SP4: variants seen among roughly 807,000 people sequenced by gnomAD.
SP4 encodes the protein transcription factor Sp4.
Under a neutral mutation model 72.8 loss-of-function variants are expected in SP4, and 19 were observed. The ratio of observed to expected loss-of-function variants is 0.26; its 90% CI spans 0.18 to 0.38. SP4 has a LOEUF of 0.38. Ranked by LOEUF, SP4 falls within the 10% of genes least tolerant of loss-of-function variation. The probability of loss-of-function intolerance (pLI) is 1.00; values close to 1 mark genes in which losing one functional copy is unlikely to be tolerated. For missense variants in SP4, 1,008 were observed against 926.3 expected (o/e 1.09, Z -1.14); for synonymous variants, 395 against 333.1 (o/e 1.19, Z -2.02).
intron 3 of SP4, among the ~76,000 whole-genome samples, chr7:21,466,696 T>A (rs926639573): frequency 6.6e-6 from 1 of 152,178 alleles, no homozygotes; most frequent in Admixed American, 6.5e-5. Context: ...ATATTTTCAT[T>A]TATAGTTCAT....
intron 3 of SP4, among the ~76,000 whole-genome samples, chr7:21,436,103 T>A (rs1325804477): frequency 6.6e-6 from 1 of 152,168 alleles, no homozygotes; most frequent in African/African-American, 2.4e-5. Context: ...TTTGCCATGT[T>A]GGCCAGGCTG....
chr7:21,466,781 A>G (rs913786832), intron 3 of SP4, among the ~76,000 whole-genome samples: 1 of 149,696 alleles, frequency 6.7e-6, no homozygotes, highest in African/African-American at 2.5e-5. Context: ...ATAATTTTCA[A>G]ATCTAGGATT....
At chr7:21,506,319 C>A (rs1222817117) in intron 5 of SP4, among the ~76,000 whole-genome samples, 1 of 152,128 alleles carries the variant, frequency 6.6e-6, no homozygotes, top group Non-Finnish European at 1.5e-5. Flanking sequence ...TTAAGGGTTC[C>A]TGGTGGGATC....
chr7:21,490,876 C>G (rs182216714), intron 5 of SP4, among the ~76,000 whole-genome samples: 1 of 152,286 alleles, frequency 6.6e-6, no homozygotes, highest in Non-Finnish European at 1.5e-5. Context: ...AACTGCTGCT[C>G]AAAGAGGGCA....
intron 3 of SP4, among the ~76,000 whole-genome samples, chr7:21,459,836 T>A (rs1291324359): frequency 6.6e-6 from 1 of 152,230 alleles, no homozygotes; most frequent in East Asian, 1.9e-4. Context: ...TCCTACTAAG[T>A]CTAAGCACAA....
intron 3 of SP4, among the ~76,000 whole-genome samples, chr7:21,458,910 C>G (rs1477744078): frequency 1.3e-5 from 2 of 152,122 alleles, no homozygotes. Context: ...AAATAGCCAT[C>G]TATGGAGTTA....
chr7:21,429,241 C>T, intron 2 of SP4, 48 bp from the exon 3 acceptor site: 1 of 1,105,562 alleles, frequency 9.0e-7, no homozygotes. Context: ...CTAAATCCGC[C>T]CACTTTTTTT....
intron 3 of SP4, 111 bp from the exon 4 acceptor site, chr7:21,476,968 A>G: frequency 2.7e-6 from 2 of 730,780 alleles, no homozygotes; most frequent in Non-Finnish European, 4.4e-6. Context: ...TAGTTTTTGT[A>G]CTTTACACAG....
Position 21,430,722 on chromosome 7 carries a change from A to G in SP4, c.1557A>G (p.Pro519=), listed in dbSNP as rs1782815605. 5 of 1,614,176 alleles carry G rather than the reference A, an allele frequency of 3.1e-6. No individual in the cohort carries two copies. Among genetic ancestry groups the G allele is most frequent in the Non-Finnish European group, 4.2e-6 (5 of 1,180,034 alleles). ...CTCCTGTGGCTGTTGCTGGTGCCCC[A>G]ATAACTTTGAATACTGCCCAGCTTG... The part of the protein sequence containing the change: ...QIAPVAVAGA[P]ITLNTAQLAS... The change falls in exon 3 of 6, where the codon CCA becomes CCG. Residue 519 remains proline (P), a synonymous_variant. Coordinates refer to ENST00000222584, the MANE Select transcript of SP4 (RefSeq NM_003112.5).
chr7:21,470,160 T>C (rs541061346), intron 3 of SP4, among the ~76,000 whole-genome samples: 1 of 152,354 alleles, frequency 6.6e-6, no homozygotes, highest in East Asian at 1.9e-4. Context: ...TGGCCGAGTT[T>C]CGTAAGAAAG....
intron 3 of SP4, among the ~76,000 whole-genome samples, chr7:21,443,937 C>A (rs376882485): frequency 6.6e-6 from 1 of 152,164 alleles, no homozygotes; most frequent in African/African-American, 2.4e-5. Flanking sequence ...CTTGTTGAAG[C>A]AAACTTTATT....
At chr7:21,449,953 A>G (rs1009857792) in intron 3 of SP4, among the ~76,000 whole-genome samples, 6 of 152,112 alleles carry the variant, frequency 3.9e-5, no homozygotes, top group East Asian at 1.9e-4. Context: ...AATTGTTCCA[A>G]TTGATACAGT....
chr7:21,498,865 C>G (rs1781791430), intron 5 of SP4, among the ~76,000 whole-genome samples: 1 of 151,988 alleles, frequency 6.6e-6, no homozygotes. Context: ...GCAGGCGGAT[C>G]ATGAGGTCAG....
In SP4 at chr7:21,429,872, G is replaced by C; in HGVS notation, c.707G>C (p.Gly236Ala). The C allele has an allele frequency of 6.2e-7, 1 of 1,614,144 alleles. No homozygotes were observed. Among genetic ancestry groups the C allele is most frequent in the South Asian group, 1.1e-5 (1 of 91,088 alleles). The stretch of plus-strand genomic sequence containing the variant: ...ACAGTTCCGGTCCAAATTAGACCTG[G>C]TGTTTCAATACCACTGCAGTTACAG... Reference protein sequence around the residue: ...NQTVPVQIRPGVSIPLQLQTL... With the variant: ...NQTVPVQIRPAVSIPLQLQTL... The change falls in exon 3 of 6, where the codon GGT (glycine) becomes GCT (alanine). Residue 236 changes from glycine to alanine, a missense_variant. By Grantham distance (60) the Gly-to-Ala change is moderately conservative. Around this residue, in one of 3 missense-constraint regions of SP4, gnomAD observed 893 missense variants for 743.3 expected, o/e 1.20. Coordinates refer to ENST00000222584, the MANE Select transcript of SP4 (RefSeq NM_003112.5).
At chr7:21,478,047 C>G (rs990702459) in intron 4 of SP4, among the ~76,000 whole-genome samples, 2 of 152,080 alleles carry the variant, frequency 1.3e-5, no homozygotes, top group Non-Finnish European at 2.9e-5. Flanking sequence ...CCCCCTTATC[C>G]CAATCCTTCC....
At chr7:21,472,372 TC>T (rs142153472) in intron 3 of SP4, among the ~76,000 whole-genome samples, 2,057 of 152,154 alleles carry the variant, frequency 0.014, 48 homozygotes, top group East Asian at 0.081. Context: ...GAAGTCTTGA[TC>T]CCCAGGGCTC....
intron 5 of SP4, among the ~76,000 whole-genome samples, chr7:21,498,242 CAT>C (rs1011702863): frequency 5.3e-5 from 8 of 152,014 alleles, no homozygotes; most frequent in Admixed American, 1.3e-4. Context: ...TTATATTAGT[CAT>C]AAAAGTAATC....
At chr7:21,499,047 T>C (rs1188443671) in intron 5 of SP4, among the ~76,000 whole-genome samples, 1 of 134,470 alleles carries the variant, frequency 7.4e-6, no homozygotes, top group Non-Finnish European at 1.5e-5. Context: ...GCCACTGCAC[T>C]CCAGCCTGGG....
At chr7:21,508,271 G>T (rs938532101) in intron 5 of SP4, among the ~76,000 whole-genome samples, 1 of 152,158 alleles carries the variant, frequency 6.6e-6, no homozygotes, top group Non-Finnish European at 1.5e-5. Context: ...CAAACCCAAA[G>T]AATGGACTTG....
Sources: allele counts gnomAD v4.1 joint callset (sites outside exome capture counted in the v4.1 genomes callset), GRCh38; gene constraint gnomAD v4.1.1; regional missense constraint gnomAD v4.1.1; transcripts MANE v1.5; gene names NCBI Gene and HGNC (gene_info 2026-07-23, HGNC 2026-07-21).